Variants in DYM observed in about 807,000 individuals in gnomAD.
DYM encodes the protein dyggve-Melchior-Clausen syndrome protein.
DYM carries 78 observed loss-of-function variants against 93.1 expected under a neutral mutation model. The ratio of observed to expected loss-of-function variants is 0.84; its 90% confidence interval spans 0.70 to 1.01. The LOEUF is 1.01. Ranked by LOEUF, DYM falls within the 50% of genes least tolerant of loss-of-function variation. The pLI, the probability that DYM is intolerant of heterozygous loss-of-function variation, is 0.00. For synonymous variants in DYM, 321 were observed against 319.7 expected (o/e 1.00, Z -0.04); for missense variants, 789 against 845.0 (o/e 0.93, Z 0.82).
At chr18:49,458,835 C>A (rs2083230722) in intron 1 of DYM, among the ~76,000 whole-genome samples, 1 of 152,088 alleles carries the variant, frequency 6.6e-6, no homozygotes, top group Admixed American at 6.6e-5. Flanking sequence ...CGAGACTCTG[C>A]CTCCCACCAC....
At chr18:49,119,788 A>T (rs2082216170) in intron 15 of DYM, among the ~76,000 whole-genome samples, 1 of 152,164 alleles carries the variant, frequency 6.6e-6, no homozygotes, top group Non-Finnish European at 1.5e-5. Flanking sequence ...GGAAAAAAAA[A>T]TACTATAGAT....
chr18:49,188,979 C>T (rs949416293), intron 14 of DYM, among the ~76,000 whole-genome samples: 2 of 152,088 alleles, frequency 1.3e-5, no homozygotes, highest in Non-Finnish European at 2.9e-5. Context: ...ACACATACAC[C>T]ATGAAATACT....
intron 8 of DYM, among the ~76,000 whole-genome samples, chr18:49,325,883 C>T (rs763285830): frequency 6.6e-6 from 1 of 152,134 alleles, no homozygotes; most frequent in African/African-American, 2.4e-5. Context: ...AGGGAATACA[C>T]GAGGAGGGGT....
At chr18:49,090,959 G>A (rs985709838) in intron 17 of DYM, among the ~76,000 whole-genome samples, 3 of 152,180 alleles carry the variant, frequency 2.0e-5, no homozygotes, top group African/African-American at 4.8e-5. Flanking sequence ...GTGGAATAAT[G>A]TAGACTTTTA....
In DYM at chr18:49,209,665, TAC is replaced by T. The variant is rs1266464320; in HGVS notation, c.1509_1510del (p.Tyr504PhefsTer18). The T allele has an allele frequency of 1.6e-6, 2 of 1,289,156 alleles. No individual in the cohort carries two copies. The highest frequency in any genetic ancestry group is 1.2e-5 in the South Asian group (1 of 80,944). The allele number at this position is 1,289,156 out of a possible 1,614,324, so 79.9% of individuals were successfully genotyped here. A position where few individuals can be genotyped will look rare whatever the true frequency, so the allele number is the denominator to read the frequency against. The stretch of plus-strand genomic sequence containing the variant: ...CGTAGAACAGTGAGAGTGGGGGAAA[TAC>T]AGTTTGTCCAACACATAAACATATC... On this transcript the variant is annotated frameshift_variant, in exon 14 of 18. Transcript: ENST00000675505. LOFTEE classifies it high-confidence loss of function.
intron 8 of DYM, among the ~76,000 whole-genome samples, chr18:49,289,731 A>G (rs1366741093): frequency 0.046 from 506 of 11,062 alleles, 10 homozygotes; most frequent in South Asian, 0.095. Flanking sequence ...ATATGTGTAT[A>G]TATATATATA....
chr18:49,459,592 T>C (rs1469986276), intron 1 of DYM, among the ~76,000 whole-genome samples: 1 of 151,960 alleles, frequency 6.6e-6, no homozygotes, highest in African/African-American at 2.4e-5. Context: ...TACACACCCC[T>C]CTCTCCAACT....
chr18:49,097,960 G>A (rs1296084358), intron 16 of DYM, among the ~76,000 whole-genome samples: 1 of 150,478 alleles, frequency 6.6e-6, no homozygotes, highest in African/African-American at 2.4e-5. Context: ...CTAAAATGAT[G>A]TTTTGGGGAT....
At chr18:49,239,194 T>C (rs1226485008) in intron 13 of DYM, among the ~76,000 whole-genome samples, 5 of 151,914 alleles carry the variant, frequency 3.3e-5, no homozygotes, top group African/African-American at 7.3e-5. Context: ...GAAGAAACTA[T>C]GGGAAAAAGT....
chr18:49,074,451 GT>G (rs1165564060), intron 17 of DYM, among the ~76,000 whole-genome samples: 1 of 152,098 alleles, frequency 6.6e-6, no homozygotes, highest in Non-Finnish European at 1.5e-5. Flanking sequence ...TGGGGGTGGG[GT>G]CCTGGAACCA....
intron 8 of DYM, among the ~76,000 whole-genome samples, chr18:49,292,154 A>G (rs1336931069): frequency 6.6e-6 from 1 of 152,154 alleles, no homozygotes; most frequent in African/African-American, 2.4e-5. Context: ...TAAATTGCAC[A>G]AACAAAATTC....
rs138264681 is a variant in DYM at position 49,208,182 on chromosome 18, C to CAAAA, written c.1625+1365_1625+1368dup. On this transcript the variant is annotated intron_variant, in intron 14 of 17. Transcript: ENST00000675505. Reference sequence around the variant, plus strand: ...TGGGTGACAGAGCAAGACTCCATCTCAAAAAAAAAAAAAAAAAAAAAATTA... The same window carrying CAAAA: ...TGGGTGACAGAGCAAGACTCCATCTCAAAAAAAAAAAAAAAAAAAAAAAAAATTA... Among the ~76,000 whole-genome samples, 172 of 58,172 alleles carry CAAAA rather than the reference C, an allele frequency of 3.0e-3. 2 individuals are homozygous for CAAAA. The highest frequency in any genetic ancestry group is 8.2e-3 in the African/African-American group (137 of 16,730). The allele number at this position is 58,172 out of a possible 152,430, so 38.2% of individuals were successfully genotyped here. A position where few individuals can be genotyped will look rare whatever the true frequency, so the allele number is the denominator to read the frequency against.
intron 13 of DYM, among the ~76,000 whole-genome samples, chr18:49,221,720 C>T (rs1009795511): frequency 4.6e-5 from 7 of 151,732 alleles, no homozygotes; most frequent in Non-Finnish European, 8.8e-5. Flanking sequence ...AACACATGGA[C>T]ACAGGAAGGG....
At chr18:49,381,673 G>A (rs535748191) in intron 3 of DYM, among the ~76,000 whole-genome samples, 23 of 152,264 alleles carry the variant, frequency 1.5e-4, no homozygotes, top group East Asian at 5.8e-4. Context: ...CATCTCTACC[G>A]TTCCCCAGTG....
chr18:49,367,511 A>C (rs931525614), intron 5 of DYM, among the ~76,000 whole-genome samples: 2 of 152,346 alleles, frequency 1.3e-5, no homozygotes, highest in African/African-American at 4.8e-5. Flanking sequence ...AGCAGAGAAC[A>C]GTACAATACT....
chr18:49,369,235 C>CT (rs1376209911), intron 5 of DYM, among the ~76,000 whole-genome samples: 3 of 152,226 alleles, frequency 2.0e-5, no homozygotes, highest in Non-Finnish European at 4.4e-5. Flanking sequence ...CATATGTGGC[C>CT]TTTCCACTGA....
intron 15 of DYM, among the ~76,000 whole-genome samples, chr18:49,155,110 C>G (rs2086251383): frequency 1.3e-5 from 2 of 152,094 alleles, no homozygotes; most frequent in South Asian, 4.1e-4. Context: ...TTGCTTATTT[C>G]TATTTTTTGT....
At chr18:49,044,370 G>A (rs565864206) in intron 17 of DYM, among the ~76,000 whole-genome samples, 166 bp from the exon 18 acceptor site, 3 of 152,334 alleles carry the variant, frequency 2.0e-5, no homozygotes, top group African/African-American at 7.2e-5. Context: ...GCTATCAAAT[G>A]GCTCCTGAGA....
intron 17 of DYM, among the ~76,000 whole-genome samples, chr18:49,094,051 ACTTT>A (rs1309391013): frequency 1.3e-5 from 2 of 152,188 alleles, no homozygotes; most frequent in Admixed American, 6.5e-5. Flanking sequence ...ATTATTCCAC[ACTTT>A]CTTATTTACA....
Sources: gnomAD v4.1 joint callset for allele counts (sites outside exome capture counted in the v4.1 genomes callset) on GRCh38, gnomAD v4.1.1 for gene constraint, MANE v1.5 for transcripts, NCBI Gene and HGNC (gene_info 2026-07-23, HGNC 2026-07-21) for gene names.